TBC1D22A: variants seen among roughly 807,000 people sequenced by gnomAD.
TBC1D22A encodes TBC1 domain family member 22A, also known as putative GTPase activator.
In TBC1D22A, 38 loss-of-function variants were observed where a neutral mutation model predicts 60.2. That is an observed-to-expected ratio of 0.63 (90% CI 0.49 to 0.83). The LOEUF (loss-of-function observed/expected upper bound fraction) is 0.83, where lower values mean the gene tolerates loss of function less well. TBC1D22A is among the 40% of genes least tolerant of loss of function. The pLI is 0.00. For missense variants in TBC1D22A, 628 were observed against 701.0 expected (o/e 0.90, Z 1.18); for synonymous variants, 302 against 281.7 (o/e 1.07, Z -0.72).
intron 9 of TBC1D22A, among the ~76,000 whole-genome samples, chr22:46,978,466 A>C (rs2074389701): frequency 6.6e-6 from 1 of 152,218 alleles, no homozygotes; most frequent in South Asian, 2.1e-4. Context: ...CATTTTTGTA[A>C]ATCTCCTTAA....
chr22:47,126,416 G>GTAAC, intron 12 of TBC1D22A, among the ~76,000 whole-genome samples: 1 of 152,348 alleles, frequency 6.6e-6, no homozygotes, highest in African/African-American at 2.4e-5. Context: ...CTTCCCTCTT[G>GTAAC]TAACTGGGTG....
chr22:46,843,487 G>C (rs1000055636), intron 4 of TBC1D22A, among the ~76,000 whole-genome samples: 1 of 142,014 alleles, frequency 7.0e-6, no homozygotes, highest in Non-Finnish European at 1.5e-5. Context: ...AGCCACCTCA[G>C]CATGCCCCCT....
At chr22:46,892,598 G>A (rs2068461578) in intron 6 of TBC1D22A, among the ~76,000 whole-genome samples, 1 of 152,186 alleles carries the variant, frequency 6.6e-6, no homozygotes, top group Non-Finnish European at 1.5e-5. Context: ...ATTTGCTTAA[G>A]GAAATATTAG....
At chr22:47,063,849 C>G (rs1474128943) in intron 11 of TBC1D22A, among the ~76,000 whole-genome samples, 1 of 152,232 alleles carries the variant, frequency 6.6e-6, no homozygotes, top group Non-Finnish European at 1.5e-5. Context: ...CAGTCTTTGC[C>G]TCTGTCGCTA....
intron 1 of TBC1D22A, chr22:46,763,712 T>TA (rs1375680440): frequency 6.6e-6 from 1 of 152,218 alleles, no homozygotes; most frequent in Non-Finnish European, 1.5e-5. Flanking sequence ...ATAAACACAG[T>TA]AAAATGGTTT....
intron 8 of TBC1D22A, among the ~76,000 whole-genome samples, chr22:46,947,162 A>T (rs2072598426): frequency 6.6e-6 from 1 of 152,102 alleles, no homozygotes; most frequent in Non-Finnish European, 1.5e-5. Flanking sequence ...AAGAAATGCT[A>T]ATAGGTCCCC....
chr22:46,789,879 T>C (rs1405357553), intron 1 of TBC1D22A, among the ~76,000 whole-genome samples: 3 of 152,164 alleles, frequency 2.0e-5, no homozygotes, highest in Admixed American at 6.5e-5. Context: ...TCTAGAAGGA[T>C]TGAACTAGCA....
chr22:46,935,595 C>G (rs1040711090), intron 8 of TBC1D22A, among the ~76,000 whole-genome samples: 5 of 152,202 alleles, frequency 3.3e-5, no homozygotes, highest in Non-Finnish European at 5.9e-5. Context: ...TTCCGTCTCG[C>G]CCCCCTCCTT....
chr22:46,866,209 A>G (rs2067045043), intron 4 of TBC1D22A, among the ~76,000 whole-genome samples: 1 of 152,132 alleles, frequency 6.6e-6, no homozygotes, highest in Non-Finnish European at 1.5e-5. Flanking sequence ...GGTTCAAGCG[A>G]TTCTCCTGCT....
At chr22:46,975,277 G>A (rs541818832) in intron 9 of TBC1D22A, among the ~76,000 whole-genome samples, 12 of 152,236 alleles carry the variant, frequency 7.9e-5, no homozygotes, top group Admixed American at 6.5e-4. Flanking sequence ...GAGGGTAGAC[G>A]GGTGAGTATG....
chr22:46,925,282 C>A (rs555756947), intron 8 of TBC1D22A, among the ~76,000 whole-genome samples: 11 of 152,230 alleles, frequency 7.2e-5, no homozygotes, highest in African/African-American at 2.6e-4. Context: ...AGGTAAAAAC[C>A]AAAGCATCTG....
chr22:46,900,726 A>T (rs896049578), intron 7 of TBC1D22A, among the ~76,000 whole-genome samples: 6 of 152,124 alleles, frequency 3.9e-5, no homozygotes, highest in Non-Finnish European at 8.8e-5. Flanking sequence ...TCAGGAGTTC[A>T]TTGCCTTTTC....
At chr22:46,840,781 A>G (rs1211119897) in intron 4 of TBC1D22A, among the ~76,000 whole-genome samples, 1 of 152,076 alleles carries the variant, frequency 6.6e-6, no homozygotes, top group Admixed American at 6.6e-5. Flanking sequence ...GAGAATTTGT[A>G]GAAAGGGGAA....
At chr22:46,962,535 A>T (rs1569277624) in intron 8 of TBC1D22A, among the ~76,000 whole-genome samples, 1 of 152,104 alleles carries the variant, frequency 6.6e-6, no homozygotes, top group Non-Finnish European at 1.5e-5. Flanking sequence ...TGTGGATCAC[A>T]TACCTTATAG....
chr22:47,095,789 G>C (rs1156401614), intron 11 of TBC1D22A, among the ~76,000 whole-genome samples: 3 of 152,248 alleles, frequency 2.0e-5, no homozygotes, highest in Admixed American at 2.0e-4. Context: ...TTACAGGGCT[G>C]TCAGGAGCTG....
intron 3 of TBC1D22A, among the ~76,000 whole-genome samples, chr22:46,796,900 G>C (rs777374349): frequency 1.3e-5 from 2 of 152,230 alleles, no homozygotes; most frequent in Non-Finnish European, 2.9e-5. Flanking sequence ...AGACCCAGGA[G>C]GGCCAGGCAG....
At chr22:46,831,848 C>A (rs747588041) in intron 4 of TBC1D22A, among the ~76,000 whole-genome samples, 3 of 152,238 alleles carry the variant, frequency 2.0e-5, no homozygotes, top group Middle Eastern at 3.4e-3. Context: ...ATCATCGTGG[C>A]GAAGTCAGGA....
chr22:47,090,221 A>G (rs1339121833), intron 11 of TBC1D22A, among the ~76,000 whole-genome samples: 3 of 152,304 alleles, frequency 2.0e-5, no homozygotes, highest in Non-Finnish European at 4.4e-5. Context: ...CCACCCATTC[A>G]TGCTAGGAAA....
intron 8 of TBC1D22A, among the ~76,000 whole-genome samples, chr22:46,957,321 G>A (rs1000672571): frequency 2.0e-5 from 3 of 152,238 alleles, no homozygotes; most frequent in African/African-American, 4.8e-5. Flanking sequence ...AAGGAAAGAG[G>A]TTTAACTGAC....
Sources: allele counts gnomAD v4.1 joint callset (sites outside exome capture counted in the v4.1 genomes callset), GRCh38; gene constraint gnomAD v4.1.1; transcripts MANE v1.5; gene names NCBI Gene and HGNC (gene_info 2026-07-23, HGNC 2026-07-21).